Variants in PTAFR observed in about 807,000 individuals in gnomAD.
PTAFR encodes platelet activating factor receptor, also known as platelet-activating factor receptor.
Under a neutral mutation model 14.7 loss-of-function variants are expected in PTAFR, and 8 were observed. The observed-to-expected ratio is 0.54, with a 90% CI of 0.32 to 0.98. PTAFR has a LOEUF of 0.98. Among genes scored for constraint, PTAFR ranks in the 50% least tolerant of loss-of-function variants. The pLI, the probability that PTAFR is intolerant of heterozygous loss-of-function variation, is 0.04. For synonymous variants in PTAFR, 156 were observed against 176.5 expected (o/e 0.88, Z 0.92); for missense variants, 337 against 451.2 (o/e 0.75, Z 2.29).
At chr1:28,163,832 A>G (rs886877212) in intron 1 of PTAFR, among the ~76,000 whole-genome samples, 2 of 152,228 alleles carry the variant, frequency 1.3e-5, no homozygotes, top group African/African-American at 4.8e-5. Context: ...GCTAATGGCA[A>G]CAAAGCTTTC....
intron 1 of PTAFR, among the ~76,000 whole-genome samples, chr1:28,157,855 C>T (rs576050898): frequency 6.6e-6 from 1 of 152,064 alleles, no homozygotes; most frequent in South Asian, 2.1e-4. Flanking sequence ...TGGTCTTGAT[C>T]TCCTGACCTT....
intron 1 of PTAFR, among the ~76,000 whole-genome samples, chr1:28,155,516 C>T (rs575816561): frequency 5.3e-5 from 8 of 152,172 alleles, no homozygotes; most frequent in African/African-American, 1.9e-4. Context: ...CTCCACTCCC[C>T]ACTTTCACCT....
intron 1 of PTAFR, 124 bp from the exon 2 acceptor site, chr1:28,151,183 C>CTTT: frequency 8.1e-6 from 4 of 491,248 alleles, no homozygotes; most frequent in Non-Finnish European, 1.1e-5. Context: ...CATGTTGAAT[C>CTTT]TTTTTTTTTT....
intron 1 of PTAFR, among the ~76,000 whole-genome samples, chr1:28,165,994 C>T (rs1282667405): frequency 1.3e-5 from 2 of 152,072 alleles, no homozygotes; most frequent in African/African-American, 4.8e-5. Context: ...CAAAGGACAA[C>T]AAATAGTCAA....
rs537612229 is a variant in PTAFR at position 28,148,592 on chromosome 1, T to G, written c.*1401A>C. 6 of 152,564 alleles carry G rather than the reference T, an allele frequency of 3.9e-5. No homozygotes were observed. Among genetic ancestry groups the G allele is most frequent in the Non-Finnish European group, 8.8e-5 (6 of 68,358 alleles). The allele number at this position is 152,564 out of a possible 1,614,324, so 9.5% of individuals were successfully genotyped here. A position where few individuals can be genotyped will look rare whatever the true frequency, so the allele number is the denominator to read the frequency against. On this transcript the variant is annotated 3_prime_UTR_variant, in exon 2 of 2. Transcript: ENST00000373857. ...CCGCCTCCTCCCAGTAGCTACAGCC[T>G]ATGGGACTACAGGCATGCGCCACCA...
In PTAFR at chr1:28,149,063, A is replaced by G. The variant is rs890298788; in HGVS notation, c.*930T>C. 6.6e-6 allele frequency: 1 copy of G among 152,202 alleles called. No homozygotes were observed. The highest frequency in any genetic ancestry group is 1.5e-5 in the Non-Finnish European group (1 of 68,048). The allele number at this position is 152,202 out of a possible 1,614,324, so 9.4% of individuals were successfully genotyped here. A position where few individuals can be genotyped will look rare whatever the true frequency, so the allele number is the denominator to read the frequency against. On this transcript the variant is annotated 3_prime_UTR_variant, in exon 2 of 2. Coordinates refer to ENST00000373857, the MANE Select transcript of PTAFR (RefSeq NM_000952.5). ...TGCAGACAGACACGTCTGTCTTGGGAAGCAAGCTCTTGTCCTAGCTTTTGG... is the reference window on the plus strand; with the variant it reads ...TGCAGACAGACACGTCTGTCTTGGGGAGCAAGCTCTTGTCCTAGCTTTTGG...
At chr1:28,179,165 G>A (rs1177621709), upstream of PTAFR, among the ~76,000 whole-genome samples, 1 of 152,044 alleles carries the variant, frequency 6.6e-6, no homozygotes, top group East Asian at 1.9e-4. Context: ...CTGCTCCCCA[G>A]CCCAGATCCT....
chr1:28,168,185 A>G (rs1646412349), intron 1 of PTAFR, among the ~76,000 whole-genome samples: 1 of 140,538 alleles, frequency 7.1e-6, no homozygotes, highest in Non-Finnish European at 1.5e-5. Context: ...GTTAGCCAGG[A>G]TGGTCTCAAT....
intron 1 of PTAFR, among the ~76,000 whole-genome samples, chr1:28,187,082 C>T (rs1646613553): frequency 6.6e-6 from 1 of 152,158 alleles, no homozygotes; most frequent in South Asian, 2.1e-4. Flanking sequence ...TGAGCCACCT[C>T]GTCCAGCCCT....
At chr1:28,151,195 TTC>T in intron 1 of PTAFR, 136 bp from the exon 2 acceptor site, 1 of 602,448 alleles carries the variant, frequency 1.7e-6, no homozygotes, top group Non-Finnish European at 2.8e-6. Context: ...TTTTTTTTTT[TTC>T]AGATGGAGTT....
At chr1:28,166,388 T>C (rs1335221820) in intron 1 of PTAFR, among the ~76,000 whole-genome samples, 4 of 152,114 alleles carry the variant, frequency 2.6e-5, no homozygotes, top group Non-Finnish European at 4.4e-5. Context: ...TAAAAGCTTC[T>C]TGGCGGGGTG....
intron 1 of PTAFR, among the ~76,000 whole-genome samples, chr1:28,158,588 C>T (rs1646292428): frequency 6.6e-6 from 1 of 152,070 alleles, no homozygotes; most frequent in Admixed American, 6.6e-5. Flanking sequence ...ATTCCAGCTA[C>T]TTGGGAGGCT....
intron 1 of PTAFR, 36 bp from the exon 2 acceptor site, chr1:28,151,095 G>A (rs1646181845): frequency 1.3e-5 from 15 of 1,156,418 alleles, no homozygotes; most frequent in African/African-American, 3.1e-5. Context: ...TTAATAAAGG[G>A]ACAAGAAGGG....
intron 1 of PTAFR, among the ~76,000 whole-genome samples, chr1:28,151,713 G>A (rs1440390867): frequency 6.6e-6 from 1 of 151,976 alleles, no homozygotes; most frequent in African/African-American, 2.4e-5. Context: ...GTTGAAGAAA[G>A]CACTTAATAT....
chr1:28,169,528 ACT>A (rs1423078968), intron 1 of PTAFR, among the ~76,000 whole-genome samples: 1 of 152,076 alleles, frequency 6.6e-6, no homozygotes, highest in East Asian at 1.9e-4. Context: ...CTGGAGTCAG[ACT>A]CTGTAGTCAG....
At chr1:28,175,933 C>G (rs1169733529) in intron 1 of PTAFR, among the ~76,000 whole-genome samples, 1 of 152,040 alleles carries the variant, frequency 6.6e-6, no homozygotes, top group Non-Finnish European at 1.5e-5. Context: ...AAGCTGCCCC[C>G]ATCACCACCA....
In PTAFR at chr1:28,173,300, G is replaced by T. The variant is rs570567486; in HGVS notation, c.-39+3292C>A. Reference sequence around the variant, plus strand: ...AAGACTGTGTCTCTTAAAAAAAAAGGGGGGGGGGTGTGCGGGGGGTGTAGG... The same window carrying T: ...AAGACTGTGTCTCTTAAAAAAAAAGTGGGGGGGGTGTGCGGGGGGTGTAGG... On this transcript the variant is annotated intron_variant, in intron 1 of 1. Coordinates refer to ENST00000373857, the MANE Select transcript of PTAFR (RefSeq NM_000952.5). Among the ~76,000 whole-genome samples the T allele has an allele frequency of 6.4e-4, 46 of 72,122 alleles. 1 individual carries two copies. Among genetic ancestry groups the T allele is most frequent in the Middle Eastern group, 0.022 (2 of 90 alleles). 47.3% of individuals were successfully genotyped at this position (72,122 alleles called of 152,430 possible).
At chr1:28,155,359 T>TCAC in intron 1 of PTAFR, among the ~76,000 whole-genome samples, 1 of 152,078 alleles carries the variant, frequency 6.6e-6, no homozygotes, top group East Asian at 1.9e-4. Context: ...TACAGGTGTG[T>TCAC]GCCATCACAC....
At chr1:28,187,584 C>T (rs114044569) in intron 1 of PTAFR, among the ~76,000 whole-genome samples, 9 of 152,222 alleles carry the variant, frequency 5.9e-5, no homozygotes, top group Non-Finnish European at 1.0e-4. Flanking sequence ...TGGCTCACTG[C>T]AACCTCTGTC....
Sources: gnomAD v4.1 joint callset for allele counts (sites outside exome capture counted in the v4.1 genomes callset) on GRCh38, gnomAD v4.1.1 for gene constraint, MANE v1.5 for transcripts, NCBI Gene and HGNC (gene_info 2026-07-23, HGNC 2026-07-21) for gene names.